MRPL1: variants seen among roughly 807,000 people sequenced by gnomAD.
The protein encoded by MRPL1 is mitochondrial ribosomal protein L1, also known as large ribosomal subunit protein uL1m.
A neutral mutation model predicts 38.0 loss-of-function variants in MRPL1; 28 were observed. That is an observed-to-expected ratio of 0.74 (90% CI 0.55 to 1.01). MRPL1 has a LOEUF of 1.01. MRPL1 is among the 50% of genes least tolerant of loss of function. MRPL1 has a pLI of 0.00. For synonymous variants in MRPL1, 123 were observed against 126.7 expected (o/e 0.97, Z 0.20); for missense variants, 358 against 389.8 (o/e 0.92, Z 0.69).
chr4:77,878,864 C>G, intron 2 of MRPL1, among the ~76,000 whole-genome samples: 1 of 152,060 alleles, frequency 6.6e-6, no homozygotes, highest in South Asian at 2.1e-4. Flanking sequence ...GGCAACAGAG[C>G]GAGACTCCGT....
In MRPL1 at chr4:77,939,470, T is replaced by A. The variant is rs561897980; in HGVS notation, c.778-10327T>A. ...TGTCTGATGTATAGATTGCAAAGAT[T>A]TTCTCCCACTCTTTGGGTTGTCTGT... On this transcript the variant is annotated intron_variant, in intron 7 of 8. Transcript: ENST00000315567. Among the ~76,000 whole-genome samples the A allele has an allele frequency of 2.6e-5, 4 of 152,338 alleles. No individual in the cohort carries two copies. In the South Asian group the frequency reaches 8.3e-4, roughly 32 times the overall value.
At chr4:77,897,655 G>A (rs532241268) in intron 6 of MRPL1, among the ~76,000 whole-genome samples, 18 of 152,316 alleles carry the variant, frequency 1.2e-4, no homozygotes, top group South Asian at 6.2e-4. Context: ...ACTGCTTTCC[G>A]TGAGGAATTT....
At chr4:77,948,771 CTTT>C (rs199944670) in intron 7 of MRPL1, among the ~76,000 whole-genome samples, 17 of 139,082 alleles carry the variant, frequency 1.2e-4, no homozygotes, top group Non-Finnish European at 1.6e-4. Flanking sequence ...TCTTCTTCTT[CTTT>C]TTTTTTTTTT....
intron 1 of MRPL1, among the ~76,000 whole-genome samples, chr4:77,866,814 C>A (rs550635938): frequency 6.7e-6 from 1 of 150,358 alleles, no homozygotes; most frequent in Non-Finnish European, 1.5e-5. Context: ...ATGGCGCGAT[C>A]TCGGCTCACT....
At chr4:77,906,924 A>G in intron 6 of MRPL1, 3 of 973,508 alleles carry the variant, frequency 3.1e-6, no homozygotes, top group Non-Finnish European at 3.7e-6. Flanking sequence ...ATTCATTTGT[A>G]TATCCATTAT....
chr4:77,873,437 G>A (rs1181594461), intron 2 of MRPL1, among the ~76,000 whole-genome samples: 3 of 152,284 alleles, frequency 2.0e-5, no homozygotes, highest in Non-Finnish European at 4.4e-5. Context: ...AAAGCAAATA[G>A]AGTCCCAGCT....
At chr4:77,912,059 G>C (rs1224872248) in intron 7 of MRPL1, among the ~76,000 whole-genome samples, 1 of 152,164 alleles carries the variant, frequency 6.6e-6, no homozygotes, top group East Asian at 1.9e-4. Flanking sequence ...TGATTAAAAA[G>C]TCTCAGCAAA....
chr4:77,875,337 A>G (rs949702542), intron 2 of MRPL1, among the ~76,000 whole-genome samples: 1 of 152,084 alleles, frequency 6.6e-6, no homozygotes, highest in Non-Finnish European at 1.5e-5. Context: ...TAGGGCAAGA[A>G]GTATTTGAGC....
At chr4:77,894,301 C>G (rs746447293) in intron 6 of MRPL1, 51 bp downstream of exon 6, 31 of 1,174,644 alleles carry the variant, frequency 2.6e-5, no homozygotes, top group Non-Finnish European at 3.6e-5. Flanking sequence ...TTCTTGTGAA[C>G]TTTGCTTAGT....
intron 5 of MRPL1, among the ~76,000 whole-genome samples, chr4:77,892,161 C>A (rs746021348): frequency 8.1e-5 from 12 of 147,718 alleles, no homozygotes; most frequent in Non-Finnish European, 1.5e-4. Flanking sequence ...GATGGAGTTT[C>A]GCTCTTGTTG....
chr4:77,881,462 T>G (rs1735538138), intron 2 of MRPL1, among the ~76,000 whole-genome samples: 7 of 149,936 alleles, frequency 4.7e-5, no homozygotes, highest in Non-Finnish European at 1.5e-5. Context: ...TTTTTTTTTT[T>G]GAGACAGGGT....
chr4:77,948,874 G>A (rs1737339534), intron 7 of MRPL1, among the ~76,000 whole-genome samples: 1 of 151,474 alleles, frequency 6.6e-6, no homozygotes, highest in Non-Finnish European at 1.5e-5. Flanking sequence ...GGGACCAAGC[G>A]ATTCTCCTGC....
intron 7 of MRPL1, among the ~76,000 whole-genome samples, chr4:77,915,137 A>G (rs1184370909): frequency 6.6e-6 from 1 of 152,128 alleles, no homozygotes; most frequent in African/African-American, 2.4e-5. Flanking sequence ...TAGTTAAATC[A>G]TCTTGATGTT....
At position 77,868,074 on chromosome 4, in the gene MRPL1, T is replaced by C. The variant is rs546013107; in HGVS notation, c.32-3670T>C. On this transcript the variant is annotated intron_variant, in intron 1 of 8. Transcript: ENST00000315567. ...CCTGGCCAGTTATTTCTTTTTTTTT[T>C]CCTTTTGAGATGGAGTCTCACTCTG... is the stretch of plus-strand genomic sequence containing the variant. Among the ~76,000 whole-genome samples the C allele has an allele frequency of 2.0e-5, 3 of 151,070 alleles. No individual in the cohort carries two copies. The East Asian group carries it at 6.0e-4, about 30-fold the overall frequency.
rs368754710 is a variant in MRPL1 at position 77,903,302 on chromosome 4, ACT to A, written c.671-5960_671-5959del. On this transcript the variant is annotated intron_variant, in intron 6 of 8. Coordinates refer to ENST00000315567, the MANE Select transcript of MRPL1 (RefSeq NM_020236.4). ...CAGAGAAAGCATTTTGGCAATAATA[ACT>A]CTCAGAATACTGGAAATGTAAGTGA... Among the ~76,000 whole-genome samples the A allele has an allele frequency of 1.1e-3, 168 of 152,296 alleles. 1 individual carries two copies. The highest frequency in any genetic ancestry group is 4.0e-3 in the African/African-American group (167 of 41,578).
chr4:77,916,814 T>C (rs1335849771), intron 7 of MRPL1, among the ~76,000 whole-genome samples: 1 of 152,206 alleles, frequency 6.6e-6, no homozygotes, highest in Non-Finnish European at 1.5e-5. Context: ...GCCAAAATTC[T>C]CTAAGTATAT....
At chr4:77,923,982 C>T (rs908727616) in intron 7 of MRPL1, among the ~76,000 whole-genome samples, 1 of 132,254 alleles carries the variant, frequency 7.6e-6, no homozygotes, top group Non-Finnish European at 1.6e-5. Flanking sequence ...GCCTGGGAGA[C>T]AGGGTAGGAC....
At chr4:77,925,615 G>A (rs1476381907) in intron 7 of MRPL1, among the ~76,000 whole-genome samples, 1 of 147,914 alleles carries the variant, frequency 6.8e-6, no homozygotes, top group Admixed American at 6.7e-5. Context: ...GAGATGTGTT[G>A]TTGGTTTTCT....
At chr4:77,897,152 C>T (rs1030282301) in intron 6 of MRPL1, among the ~76,000 whole-genome samples, 1 of 152,008 alleles carries the variant, frequency 6.6e-6, no homozygotes, top group African/African-American at 2.4e-5. Flanking sequence ...CTGCAACCTC[C>T]GCCTCCTGGG....
Sources: gnomAD v4.1 joint callset for allele counts (sites outside exome capture counted in the v4.1 genomes callset) on GRCh38, gnomAD v4.1.1 for gene constraint, MANE v1.5 for transcripts, NCBI Gene and HGNC (gene_info 2026-07-23, HGNC 2026-07-21) for gene names.